Variants in LUC7L3 observed in about 807,000 individuals in gnomAD.
The protein encoded by LUC7L3 is LUC7 like 3 pre-mRNA splicing factor, also known as luc7-like protein 3.
In LUC7L3, 6 loss-of-function variants were observed where a neutral mutation model predicts 66.8. That is an observed-to-expected ratio of 0.09 (90% confidence interval 0.05 to 0.18). The LOEUF is 0.18. Among genes scored for constraint, LUC7L3 ranks in the 10% least tolerant of loss-of-function variants. The probability of loss-of-function intolerance (pLI) is 1.00; values close to 1 mark genes in which losing one functional copy is unlikely to be tolerated. For synonymous variants in LUC7L3, 160 were observed against 174.7 expected, an observed-to-expected ratio of 0.92 and a Z score of 0.66; for missense variants, 341 against 531.1, an observed-to-expected ratio of 0.64 and a Z score of 3.52.
Position 50,756,037 on chromosome 17 carries a change from A to G in LUC7L3, c.*5376A>G, listed in dbSNP as rs960044151. ...ATGATAAAAGGAAACGATTAAGACAAAATTTAATGTTAGCCGTTTTGATGG... is the reference window on the plus strand; with the variant it reads ...ATGATAAAAGGAAACGATTAAGACAGAATTTAATGTTAGCCGTTTTGATGG... On this transcript the variant is annotated 3_prime_UTR_variant, in exon 10 of 10. Transcript: ENST00000505658. The G allele has an allele frequency of 6.6e-6, 1 of 152,254 alleles. No individual in the cohort carries two copies. Among genetic ancestry groups the G allele is most frequent in the African/African-American group, 2.4e-5 (1 of 41,460 alleles). 9.4% of individuals were successfully genotyped at this position (152,254 alleles called of 1,614,324 possible). A position where few individuals can be genotyped will look rare whatever the true frequency, so the allele number is the denominator to read the frequency against.
chr17:50,749,280 C>T (rs1388881934), intron 9 of LUC7L3: 1 of 1,289,200 alleles, frequency 7.8e-7, no homozygotes, highest in African/African-American at 1.5e-5. Flanking sequence ...GACGACTCTT[C>T]CTCATTGAAG....
At chr17:50,719,930 C>A (rs1330082856) in intron 1 of LUC7L3, 99 bp downstream of exon 1, 2 of 1,097,350 alleles carry the variant, frequency 1.8e-6, no homozygotes, top group African/African-American at 1.6e-5. Flanking sequence ...TGGCCAGGGC[C>A]GCACCCGGGG....
chr17:50,734,565 C>T (rs1969854820), intron 1 of LUC7L3, among the ~76,000 whole-genome samples: 1 of 152,186 alleles, frequency 6.6e-6, no homozygotes, highest in Admixed American at 6.5e-5. Flanking sequence ...TAGCACACTA[C>T]AGCCTCAAAC....
Position 50,745,761 on chromosome 17 carries a change from G to A in LUC7L3, c.735G>A (p.Glu245=), listed in dbSNP as rs763568307. Residue 245 remains glutamate (E), a synonymous_variant, in exon 8 of 10, where the codon GAG becomes GAA. Transcript: ENST00000505658. ...RKRTEEPDRD[E]RLKKEKQERE... is the part of the protein sequence containing the mutation. ...GAACCGAAGAACCTGATCGTGATGA[G>A]CGTCTAAAAAAGGAGAAGCAAGAAA... The A allele has an allele frequency of 8.8e-6, 14 of 1,594,616 alleles. No homozygotes were observed. Among genetic ancestry groups the A allele is most frequent in the Middle Eastern group, 1.7e-4 (1 of 5,988 alleles).
chr17:50,728,456 T>G, intron 1 of LUC7L3, among the ~76,000 whole-genome samples: 1 of 150,968 alleles, frequency 6.6e-6, no homozygotes, highest in Non-Finnish European at 1.5e-5. Flanking sequence ...AATTGAACTC[T>G]TAGGTAAAAA....
chr17:50,728,780 C>T (rs1409031761), intron 1 of LUC7L3, among the ~76,000 whole-genome samples: 1 of 152,234 alleles, frequency 6.6e-6, no homozygotes, highest in East Asian at 1.9e-4. Context: ...TCTCAAACTC[C>T]TGGCTTCAAG....
chr17:50,724,066 A>G (rs575509136), intron 1 of LUC7L3: 31 of 406,226 alleles, frequency 7.6e-5, no homozygotes, highest in Non-Finnish European at 1.4e-4. Flanking sequence ...TAGAGTGAAT[A>G]GTATAATAAA....
Position 50,743,701 on chromosome 17 carries a change from C to A in LUC7L3, c.427-5C>A. 6.3e-7 allele frequency: 1 copy of A among 1,577,062 alleles called. No individual in the cohort carries two copies. The highest frequency in any genetic ancestry group is 8.7e-7 in the Non-Finnish European group (1 of 1,148,466). ...TTAACTGTTTTTTTCCCCTACTCTT[C>A]TAAGATTGAAGAATTAGGGTCTGAA... On this transcript the variant is annotated splice_region_variant and splice_polypyrimidine_tract_variant and intron_variant, in intron 5 of 9. Coordinates refer to ENST00000505658, the MANE Select transcript of LUC7L3 (RefSeq NM_016424.5).
intron 1 of LUC7L3, among the ~76,000 whole-genome samples, chr17:50,734,015 A>G (rs1024924403): frequency 6.6e-5 from 10 of 152,342 alleles, no homozygotes; most frequent in African/African-American, 2.4e-4. Context: ...AACAAAATGG[A>G]TGTTTTAAGA....
At chr17:50,732,470 C>T (rs1197898559) in intron 1 of LUC7L3, among the ~76,000 whole-genome samples, 6 of 152,196 alleles carry the variant, frequency 3.9e-5, no homozygotes, top group African/African-American at 1.4e-4. Flanking sequence ...CAGCCTCAAC[C>T]TCCTGGGCTC....
intron 9 of LUC7L3, chr17:50,749,372 A>G: frequency 3.1e-6 from 4 of 1,273,702 alleles, no homozygotes; most frequent in Non-Finnish European, 4.1e-6. Context: ...GTCCTGGCAC[A>G]GTTCTCACAA....
chr17:50,742,273 G>A (rs1970395732), intron 5 of LUC7L3, among the ~76,000 whole-genome samples: 2 of 152,138 alleles, frequency 1.3e-5, no homozygotes, highest in Non-Finnish European at 2.9e-5. Flanking sequence ...GCTGGAACTG[G>A]GGTATAATAT....
In LUC7L3 at chr17:50,733,527, G is replaced by A. The variant is rs1235254861; in HGVS notation, c.100-3433G>A. On this transcript the variant is annotated intron_variant, in intron 1 of 9. Transcript: ENST00000505658. ...CGCCATTCTCCTGCCTCAGCCTCCC[G>A]AGTAGCTGGGACTACAGGCGGCCGC... is the stretch of plus-strand genomic sequence containing the variant. Among the ~76,000 whole-genome samples, 3 of 148,906 alleles carry A rather than the reference G, an allele frequency of 2.0e-5. No individual in the cohort carries two copies. In the East Asian group the frequency reaches 6.2e-4, roughly 31 times the overall value.
chr17:50,735,240 A>G (rs566502354), intron 1 of LUC7L3, among the ~76,000 whole-genome samples: 2 of 76,112 alleles, frequency 2.6e-5, no homozygotes, highest in African/African-American at 2.3e-4. Context: ...CAAAAAAAAA[A>G]AAAAAGAAAA....
intron 2 of LUC7L3, 126 bp from the exon 3 acceptor site, chr17:50,740,180 C>A: frequency 1.4e-6 from 1 of 703,210 alleles, no homozygotes; most frequent in South Asian, 1.7e-5. Context: ...GTTTAGATGT[C>A]TACAAACTAC....
intron 7 of LUC7L3, among the ~76,000 whole-genome samples, chr17:50,745,294 A>G (rs1435540371): frequency 6.6e-6 from 1 of 152,136 alleles, no homozygotes; most frequent in Non-Finnish European, 1.5e-5. Context: ...AATTTCTTCT[A>G]AAGATACATT....
intron 6 of LUC7L3, 65 bp from the exon 7 acceptor site, chr17:50,744,587 A>G: frequency 7.0e-7 from 1 of 1,427,594 alleles, no homozygotes; most frequent in South Asian, 1.3e-5. Flanking sequence ...CTAAATGTTG[A>G]GTACTTTCCT....
intron 1 of LUC7L3, among the ~76,000 whole-genome samples, chr17:50,734,957 G>C (rs548497723): frequency 6.6e-6 from 1 of 152,212 alleles, no homozygotes; most frequent in East Asian, 1.9e-4. Flanking sequence ...TTTCACGTCT[G>C]AGCGCGGTGA....
chr17:50,736,570 T>C (rs1969998608), intron 1 of LUC7L3: 2 of 182,222 alleles, frequency 1.1e-5, no homozygotes, highest in Admixed American at 5.9e-5. Flanking sequence ...ATTTAGATGG[T>C]TATTTCCAAA....
Sources: gnomAD v4.1 joint callset for allele counts (sites outside exome capture counted in the v4.1 genomes callset) on GRCh38, gnomAD v4.1.1 for gene constraint, MANE v1.5 for transcripts, NCBI Gene and HGNC (gene_info 2026-07-23, HGNC 2026-07-21) for gene names.